Variants in NOL8 observed in about 807,000 individuals in gnomAD.
NOL8 encodes the protein nucleolar protein Nop132.
Under a neutral mutation model 116.1 loss-of-function variants are expected in NOL8, and 93 were observed. The observed-to-expected ratio is 0.80, with a 90% CI of 0.68 to 0.95. The LOEUF is 0.95. Among genes scored for constraint, NOL8 ranks in the 40% least tolerant of loss-of-function variants. The probability of loss-of-function intolerance (pLI) is 0.00; values close to 1 mark genes in which losing one functional copy is unlikely to be tolerated. For synonymous variants in NOL8, 419 were observed against 469.0 expected (o/e 0.89, Z 1.38); for missense variants, 1,291 against 1,382.8 (o/e 0.93, Z 1.05).
intron 13 of NOL8, among the ~76,000 whole-genome samples, chr9:92,301,300 C>CTTCA (rs1459934970): frequency 6.6e-6 from 1 of 152,190 alleles, no homozygotes; most frequent in Non-Finnish European, 1.5e-5. Flanking sequence ...AGAAAAGATG[C>CTTCA]TGTACATTAT....
chr9:92,298,220 C>T (rs1334804273), intron 16 of NOL8, 37 bp downstream of exon 16: 7 of 1,465,640 alleles, frequency 4.8e-6, no homozygotes, highest in Admixed American at 1.9e-5. Flanking sequence ...GGTAACATGT[C>T]TATTTTAGGA....
chr9:92,315,677 T>C lies in NOL8; in HGVS notation c.948A>G (p.Glu316=), dbSNP rs1839328455. 6.2e-7 allele frequency: 1 copy of C among 1,612,406 alleles called. No individual in the cohort carries two copies. ...AGGGTTGTGTAGTTCTCTGTAAGTT[T>C]TCCTCTTTCGCAATCATCATTCTCA... ...DELRMMIAKE[E]NLQRTTQPSI... Residue 316 remains glutamate, a synonymous_variant, in exon 7 of 17, where the codon GAA becomes GAG. Coordinates refer to ENST00000442668, the MANE Select transcript of NOL8 (RefSeq NM_017948.6).
At chr9:92,323,917 A>C in intron 2 of NOL8, 106 bp downstream of exon 2, 5 of 1,251,372 alleles carry the variant, frequency 4.0e-6, no homozygotes, top group Non-Finnish European at 5.5e-6. Flanking sequence ...ATCACTTAAA[A>C]CTTTTGGTGT....
intron 5 of NOL8, 104 bp downstream of exon 5, chr9:92,319,117 G>T: frequency 7.8e-7 from 1 of 1,285,832 alleles, no homozygotes; most frequent in Non-Finnish European, 1.0e-6. Flanking sequence ...CTCCAAGAAA[G>T]GGGAAAAGAG....
rs1837349884 is a variant in NOL8, at chr9:92,297,634, T to C, written c.*202A>G. ...TGTTCTTCCTTTATAAGAAGTTGAA[T>C]TTAATTTTTGAAGTAATTACTTAGG... On this transcript the variant is annotated 3_prime_UTR_variant, in exon 17 of 17. Coordinates refer to ENST00000442668, the MANE Select transcript of NOL8 (RefSeq NM_017948.6). The C allele has an allele frequency of 7.3e-6, 4 of 544,580 alleles. No individual in the cohort carries two copies. Among genetic ancestry groups the C allele is most frequent in the Non-Finnish European group, 1.3e-5 (4 of 307,866 alleles). 33.7% of individuals were successfully genotyped at this position (544,580 alleles called of 1,614,324 possible). A position where few individuals can be genotyped will look rare whatever the true frequency, so the allele number is the denominator to read the frequency against.
intron 12 of NOL8, among the ~76,000 whole-genome samples, chr9:92,303,296 G>T (rs1044431236): frequency 6.6e-6 from 1 of 152,118 alleles, no homozygotes; most frequent in Non-Finnish European, 1.5e-5. Context: ...TAGTCCATGG[G>T]CCAAGTCCAG....
chr9:92,300,369 G>T (rs67546506), intron 13 of NOL8: 46,933 of 991,434 alleles, frequency 0.047, 1,395 homozygotes, highest in African/African-American at 0.13. Flanking sequence ...AAATATAATA[G>T]GATACAGGGA....
chr9:92,305,911 G>T, intron 11 of NOL8, 81 bp from the exon 12 acceptor site: 4 of 862,114 alleles, frequency 4.6e-6, no homozygotes, highest in Non-Finnish European at 7.6e-6. Context: ...TTATAATTCA[G>T]CACTAGGAAG....
chr9:92,298,406 G>T, intron 15 of NOL8, 70 bp from the exon 16 acceptor site: 1 of 927,360 alleles, frequency 1.1e-6, no homozygotes, highest in Non-Finnish European at 1.7e-6. Flanking sequence ...CTAAGTGTTG[G>T]CATTATCAAG....
Position 92,315,770 on chromosome 9 carries a change from A to C in NOL8, c.855T>G (p.Thr285=), listed in dbSNP as rs768913996. The C allele has an allele frequency of 2.5e-6, 4 of 1,613,576 alleles. No individual in the cohort carries two copies. The African/African-American group carries it at 5.3e-5, about 22-fold the overall frequency. The change falls in exon 7 of 17, where the codon ACT becomes ACG. Residue 285 remains threonine, a synonymous_variant. Transcript: ENST00000442668. The part of the protein sequence containing the change: ...TQKLKNLPFK[T]SGLETAKKRN... The stretch of plus-strand genomic sequence containing the variant: ...TCTTCTTGGCAGTTTCCAAGCCAGA[A>C]GTCTTAAAAGGTAGATTTTTAAGTT...
At chr9:92,311,297 T>C in intron 7 of NOL8, 38 bp from the exon 8 acceptor site, 1 of 1,504,506 alleles carries the variant, frequency 6.6e-7, no homozygotes, top group Non-Finnish European at 9.2e-7. Flanking sequence ...CTTAAAAAGA[T>C]TTATGATGAA....
At chr9:92,314,126 A>G in intron 7 of NOL8, 141 bp downstream of exon 7, 1 of 1,285,548 alleles carries the variant, frequency 7.8e-7, no homozygotes, top group Non-Finnish European at 1.0e-6. Context: ...AAACCAGATG[A>G]AAAAGCTAAC....
At chr9:92,302,600 G>A (rs183930298) in intron 12 of NOL8, among the ~76,000 whole-genome samples, 2 of 152,230 alleles carry the variant, frequency 1.3e-5, no homozygotes, top group Non-Finnish European at 2.9e-5. Flanking sequence ...AGGAAACCAA[G>A]CTCTATAAAA....
intron 2 of NOL8, among the ~76,000 whole-genome samples, 166 bp from the exon 3 acceptor site, chr9:92,323,669 T>C (rs1282861852): frequency 6.6e-6 from 1 of 150,776 alleles, no homozygotes; most frequent in African/African-American, 2.4e-5. Context: ...AGCATAATTA[T>C]CAAAATATTC....
chr9:92,299,747 G>A (rs1281200948), intron 14 of NOL8, 143 bp downstream of exon 14: 8 of 823,800 alleles, frequency 9.7e-6, no homozygotes, highest in East Asian at 3.0e-5. Context: ...GCAACACTCC[G>A]TCTCAAAAAA....
chr9:92,307,633 A>G (rs1050578884), intron 10 of NOL8, among the ~76,000 whole-genome samples: 7 of 152,244 alleles, frequency 4.6e-5, no homozygotes, highest in Non-Finnish European at 7.3e-5. Context: ...AGAAATACAA[A>G]AGTAGTCTAA....
intron 13 of NOL8, among the ~76,000 whole-genome samples, chr9:92,301,014 T>C (rs1414731147): frequency 6.6e-6 from 1 of 152,220 alleles, no homozygotes. Context: ...GTGGCCCATG[T>C]TGGCCTTTAG....
chr9:92,307,700 A>G (rs1458858488), intron 10 of NOL8, among the ~76,000 whole-genome samples: 1 of 152,224 alleles, frequency 6.6e-6, no homozygotes, highest in African/African-American at 2.4e-5. Flanking sequence ...AACAGAAACT[A>G]GAATAAAATG....
At chr9:92,323,152 T>C in intron 3 of NOL8, 1 of 462,886 alleles carries the variant, frequency 2.2e-6, no homozygotes, top group Non-Finnish European at 3.8e-6. Context: ...TGATATTCAG[T>C]GGGATATATG....
Sources: gnomAD v4.1 joint callset for allele counts (sites outside exome capture counted in the v4.1 genomes callset) on GRCh38, gnomAD v4.1.1 for gene constraint, MANE v1.5 for transcripts, NCBI Gene and HGNC (gene_info 2026-07-23, HGNC 2026-07-21) for gene names.